The following NTM variants were observed in gnomAD, a reference collection of about 807,000 sequenced individuals.
NTM encodes the protein neurotrimin, also known as IgLON family member 2.
NTM carries 13 observed loss-of-function variants against 42.1 expected under a neutral mutation model. The ratio of observed to expected loss-of-function variants is 0.31; its 90% CI spans 0.20 to 0.49. The LOEUF (loss-of-function observed/expected upper bound fraction) is 0.49, where lower values mean the gene tolerates loss of function less well. Ranked by LOEUF, NTM falls within the 20% of genes least tolerant of loss-of-function variation. The pLI, the probability that NTM is intolerant of heterozygous loss-of-function variation, is 0.99. For synonymous variants in NTM, 187 were observed against 179.2 expected (o/e 1.04, Z -0.35); for missense variants, 373 against 452.8 (o/e 0.82, Z 1.60).
At chr11:132,029,019 T>C (rs2075572011) in intron 2 of NTM, among the ~76,000 whole-genome samples, 1 of 151,814 alleles carries the variant, frequency 6.6e-6, no homozygotes, top group African/African-American at 2.4e-5. Context: ...TTTTCTATCC[T>C]GATACTGGCT....
chr11:132,297,531 T>G (rs1010665204), intron 4 of NTM, among the ~76,000 whole-genome samples: 8 of 152,150 alleles, frequency 5.3e-5, no homozygotes, highest in African/African-American at 1.9e-4. Context: ...GAAAAGACTT[T>G]CCCCCATTTA....
intron 7 of NTM, among the ~76,000 whole-genome samples, chr11:132,319,518 T>C (rs1024787106): frequency 6.6e-6 from 1 of 152,190 alleles, no homozygotes; most frequent in Non-Finnish European, 1.5e-5. Flanking sequence ...GTCTCACTCA[T>C]TGCTGGCACA....
At chr11:131,395,674 T>G (rs1944473626) in intron 1 of NTM, among the ~76,000 whole-genome samples, 1 of 152,222 alleles carries the variant, frequency 6.6e-6, no homozygotes, top group Admixed American at 6.5e-5. Flanking sequence ...TAAATGTTAA[T>G]TCACCTCTGT....
intron 3 of NTM, among the ~76,000 whole-genome samples, chr11:132,147,664 A>C (rs1403768087): frequency 6.6e-6 from 1 of 152,088 alleles, no homozygotes; most frequent in Non-Finnish European, 1.5e-5. Flanking sequence ...GAGCAGCGGC[A>C]TGCCAGATCC....
chr11:131,738,644 A>G (rs529006755), intron 1 of NTM, among the ~76,000 whole-genome samples: 1 of 152,214 alleles, frequency 6.6e-6, no homozygotes, highest in East Asian at 1.9e-4. Flanking sequence ...TAGCTCCACT[A>G]TTGTTTGTTG....
At chr11:132,059,750 CT>C (rs1328348345) in intron 2 of NTM, among the ~76,000 whole-genome samples, 1 of 151,702 alleles carries the variant, frequency 6.6e-6, no homozygotes, top group African/African-American at 2.4e-5. Flanking sequence ...CCATCACCCC[CT>C]GCCACGAGCT....
chr11:132,203,008 A>G (rs1186401989), intron 3 of NTM, among the ~76,000 whole-genome samples: 1 of 152,210 alleles, frequency 6.6e-6, no homozygotes, highest in African/African-American at 2.4e-5. Context: ...GGAGCTTTCT[A>G]CATTTTCAAG....
intron 1 of NTM, among the ~76,000 whole-genome samples, chr11:131,374,367 G>A (rs990244486): frequency 3.3e-5 from 5 of 152,228 alleles, no homozygotes; most frequent in South Asian, 2.1e-4. Context: ...GGCAGGTCTC[G>A]CTGCATGAAG....
intron 3 of NTM, among the ~76,000 whole-genome samples, chr11:132,177,378 C>T (rs2076978147): frequency 6.6e-6 from 1 of 152,184 alleles, no homozygotes; most frequent in African/African-American, 2.4e-5. Flanking sequence ...CACTCCAATC[C>T]ACTGGCCACA....
Position 132,076,410 on chromosome 11 carries a change from G to A in NTM, c.168-69872G>A, listed in dbSNP as rs115306546. 2.3e-3 allele frequency among the ~76,000 whole-genome samples: 343 copies of A among 152,296 alleles called. 1 individual carries two copies. Among genetic ancestry groups the A allele is most frequent in the African/African-American group, 7.8e-3 (325 of 41,570 alleles). On this transcript the variant is annotated intron_variant, in intron 2 of 8. Transcript: ENST00000683400. Reference sequence around the variant, plus strand: ...TGTGTTCCAAGGTTGGAGAAAGAAAGCAAAATCAACATCATGATTTGTTGA... The same window carrying A: ...TGTGTTCCAAGGTTGGAGAAAGAAAACAAAATCAACATCATGATTTGTTGA...
chr11:131,465,804 G>T (rs1591749962), intron 1 of NTM, among the ~76,000 whole-genome samples: 1 of 140,104 alleles, frequency 7.1e-6, no homozygotes, highest in Non-Finnish European at 1.5e-5. Flanking sequence ...GGGCCATGTG[G>T]CAGGAATTAT....
At chr11:131,583,037 A>T (rs947083328) in intron 1 of NTM, among the ~76,000 whole-genome samples, 1 of 152,172 alleles carries the variant, frequency 6.6e-6, no homozygotes, top group Admixed American at 6.5e-5. Context: ...CTCTTTTCAC[A>T]CACGGGTAGC....
At chr11:131,519,261 G>C (rs988135229) in intron 1 of NTM, among the ~76,000 whole-genome samples, 4 of 152,268 alleles carry the variant, frequency 2.6e-5, no homozygotes, top group Non-Finnish European at 5.9e-5. Context: ...GAACCTGCTT[G>C]TTAGGGAGCT....
intron 4 of NTM, among the ~76,000 whole-genome samples, chr11:132,236,856 A>G (rs1279811785): frequency 6.6e-6 from 1 of 152,184 alleles, no homozygotes; most frequent in Admixed American, 6.5e-5. Flanking sequence ...AGGCTGTGTG[A>G]TGTCGAAGGC....
At position 132,192,421 on chromosome 11, in the gene NTM, A is replaced by G. The variant is rs148587238; in HGVS notation, c.401-19601A>G. 1.2e-4 allele frequency among the ~76,000 whole-genome samples: 19 copies of G among 152,382 alleles called. No individual in the cohort carries two copies. In the East Asian group the frequency reaches 3.7e-3, roughly 29 times the overall value. On this transcript the variant is annotated intron_variant, in intron 3 of 8. Coordinates refer to ENST00000683400, the MANE Select transcript of NTM (RefSeq NM_001352005.2). ...TTTGTAACTTGTGAAACTAAGCTTC[A>G]TAAGCAAAGGAGAAATACAATCTTT...
intron 6 of NTM, among the ~76,000 whole-genome samples, chr11:132,314,189 A>ATCAGGCCCACACATTT (rs761428003): frequency 1.1e-3 from 171 of 151,660 alleles, no homozygotes; most frequent in Non-Finnish European, 2.0e-3. Flanking sequence ...CATCATCATC[A>ATCAGGCCCACACATTT]TCAGGCCCAC....
chr11:131,608,142 C>T (rs2061152027), intron 1 of NTM, among the ~76,000 whole-genome samples: 1 of 152,142 alleles, frequency 6.6e-6, no homozygotes, highest in Non-Finnish European at 1.5e-5. Context: ...TGAGAACATG[C>T]AGTGTGTGGT....
At chr11:131,689,770 A>G (rs376144348) in intron 1 of NTM, among the ~76,000 whole-genome samples, 2 of 152,250 alleles carry the variant, frequency 1.3e-5, no homozygotes, top group South Asian at 4.1e-4. Context: ...GTGGGGTCAA[A>G]GCTGTTCTCA....
chr11:131,713,993 C>T (rs1199762941), intron 1 of NTM, among the ~76,000 whole-genome samples: 1 of 152,132 alleles, frequency 6.6e-6, no homozygotes, highest in Non-Finnish European at 1.5e-5. Context: ...GGAGGGGCTG[C>T]GTGTGCAGTC....
Sources: gnomAD v4.1 joint callset for allele counts (sites outside exome capture counted in the v4.1 genomes callset) on GRCh38, gnomAD v4.1.1 for gene constraint, MANE v1.5 for transcripts, NCBI Gene and HGNC (gene_info 2026-07-23, HGNC 2026-07-21) for gene names.